The following SLA2 variants were observed in gnomAD, a reference collection of about 807,000 sequenced individuals.
The protein encoded by SLA2 is Src like adaptor 2, also known as src-like-adapter 2.
SLA2 carries 22 observed loss-of-function variants against 27.3 expected under a neutral mutation model. That is an observed-to-expected ratio of 0.81 (90% confidence interval 0.58 to 1.15). The LOEUF is 1.15. Ranked by LOEUF, SLA2 falls within the 50% of genes most tolerant of loss-of-function variation. The probability of loss-of-function intolerance (pLI) is 0.00; values close to 1 mark genes in which losing one functional copy is unlikely to be tolerated. For synonymous variants in SLA2, 131 were observed against 137.8 expected (o/e 0.95, Z 0.34); for missense variants, 304 against 322.2 (o/e 0.94, Z 0.43).
In SLA2 at chr20:36,634,500, T is replaced by C. The variant is rs1302780199; in HGVS notation, c.181A>G (p.Ile61Val). ...TGCCCATGGACTTACTCAGAGACGATGGTCAATGGCTCCCCGAGTCTCAGC... is the reference window on the plus strand; with the variant it reads ...TGCCCATGGACTTACTCAGAGACGACGGTCAATGGCTCCCCGAGTCTCAGC... ...LSLRLGEPLT[I>V]VSEDGDWWTV... The change falls in exon 3 of 8, where the codon ATC (isoleucine) becomes GTC (valine). Residue 61 changes from isoleucine (I) to valine (V), a missense_variant. Coordinates refer to ENST00000262866, the MANE Select transcript of SLA2 (RefSeq NM_032214.4). 1.2e-6 allele frequency: 2 copies of C among 1,608,464 alleles called. No individual in the cohort carries two copies. Among genetic ancestry groups the C allele is most frequent in the East Asian group, 2.2e-5 (1 of 44,596 alleles).
chr20:36,637,165 G>C (rs1453321374), intron 2 of SLA2, among the ~76,000 whole-genome samples: 1 of 146,484 alleles, frequency 6.8e-6, no homozygotes, highest in Non-Finnish European at 1.5e-5. Flanking sequence ...TATTAGTCAA[G>C]ATCTACCTCT....
chr20:36,641,300 T>G lies in SLA2; in HGVS notation c.36A>C (p.Pro12=). ...GSLPSRRKSL[P]SPSLSSSVQG... The stretch of plus-strand genomic sequence containing the variant: ...GGACAGAGGAACTCAAGCTTGGGCT[T>G]GGCAGAGATTTTCTTCTGCTGGGCA... Residue 12 remains proline (P), a synonymous_variant, in exon 2 of 8, where the codon CCA becomes CCC. Transcript: ENST00000262866. The G allele has an allele frequency of 6.2e-7, 1 of 1,614,116 alleles. No individual in the cohort carries two copies.
At chr20:36,641,158 G>T (rs865887424) in intron 2 of SLA2, 87 bp downstream of exon 2, 1 of 1,118,972 alleles carries the variant, frequency 8.9e-7, no homozygotes. Context: ...ACACTGTGTT[G>T]GAGCTGCTGG....
At chr20:36,634,627 G>A (rs771282089) in intron 2 of SLA2, 38 bp from the exon 3 acceptor site, 1 of 1,409,094 alleles carries the variant, frequency 7.1e-7, no homozygotes, top group South Asian at 1.2e-5. Flanking sequence ...TACTTAGCTA[G>A]CCCTGCTCCA....
At chr20:36,629,796 G>A (rs530336724) in intron 5 of SLA2, among the ~76,000 whole-genome samples, 50 of 152,048 alleles carry the variant, frequency 3.3e-4, no homozygotes, top group African/African-American at 1.1e-3. Context: ...TAATTATCCC[G>A]GTGTGGTAGC....
At chr20:36,645,606 C>G (rs115321248) in intron 1 of SLA2, among the ~76,000 whole-genome samples, 2 of 152,262 alleles carry the variant, frequency 1.3e-5, no homozygotes, top group Admixed American at 6.5e-5. Flanking sequence ...ACAAGCTGCA[C>G]GGAAGAGCGT....
chr20:36,618,060 T>C (rs2039235257), intron 5 of SLA2, among the ~76,000 whole-genome samples: 1 of 147,218 alleles, frequency 6.8e-6, no homozygotes, highest in South Asian at 2.1e-4. Context: ...GGCAGGAGAA[T>C]GGCGTGAACC....
intron 5 of SLA2, chr20:36,621,257 C>T: frequency 1.7e-6 from 1 of 573,904 alleles, no homozygotes; most frequent in Non-Finnish European, 3.4e-6. Flanking sequence ...GGTAACTATG[C>T]TGGTGATGGG....
intron 2 of SLA2, among the ~76,000 whole-genome samples, chr20:36,635,854 C>T (rs1400231760): frequency 2.6e-5 from 4 of 152,140 alleles, no homozygotes; most frequent in African/African-American, 9.7e-5. Flanking sequence ...TGAATGGCCT[C>T]ACTCTGCCTG....
Position 36,643,677 on chromosome 20 carries a change from C to A in SLA2, c.-44+2160G>T, listed in dbSNP as rs570146183. Reference sequence around the variant, plus strand: ...TGGGAATAACAATACCTGGGCCGGGCGCGGTGGCTCATGCCTGTAATCCCA... The same window carrying A: ...TGGGAATAACAATACCTGGGCCGGGAGCGGTGGCTCATGCCTGTAATCCCA... On this transcript the variant is annotated intron_variant, in intron 1 of 7. Coordinates refer to ENST00000262866, the MANE Select transcript of SLA2 (RefSeq NM_032214.4). 7.0e-4 allele frequency among the ~76,000 whole-genome samples: 106 copies of A among 152,210 alleles called. 1 individual carries two copies. Among genetic ancestry groups the A allele is most frequent in the African/African-American group, 2.4e-3 (100 of 41,548 alleles).
chr20:36,633,224 A>AGG (rs1210708394), intron 4 of SLA2, among the ~76,000 whole-genome samples: 1 of 151,812 alleles, frequency 6.6e-6, no homozygotes, highest in Non-Finnish European at 1.5e-5. Context: ...GGTGCGCACC[A>AGG]CTGTGCCAGC....
intron 5 of SLA2, among the ~76,000 whole-genome samples, chr20:36,622,855 CTT>C (rs1277245684): frequency 6.6e-6 from 1 of 152,198 alleles, no homozygotes; most frequent in Non-Finnish European, 1.5e-5. Flanking sequence ...TCTGCAAACT[CTT>C]TTTGCAATGT....
chr20:36,632,597 C>A lies in SLA2; in HGVS notation c.380G>T (p.Arg127Ile), dbSNP rs1006693461. Residue 127 changes from arginine (R) to isoleucine (I), a missense_variant and splice_region_variant, in exon 5 of 8, where the codon AGA becomes ATA. Coordinates refer to ENST00000262866, the MANE Select transcript of SLA2 (RefSeq NM_032214.4). ...AFLIRESQTR[R>I]GSYSLSVRLS... ...GGGCTGGCACCGAGCTTACTCACCTCTCCTGGTCTGGCTCTCCCGGATGAG... is the reference window on the plus strand; with the variant it reads ...GGGCTGGCACCGAGCTTACTCACCTATCCTGGTCTGGCTCTCCCGGATGAG... The A allele has an allele frequency of 5.6e-6, 9 of 1,613,636 alleles. No homozygotes were observed. Among genetic ancestry groups the A allele is most frequent in the African/African-American group, 1.3e-5 (1 of 74,936 alleles).
chr20:36,624,765 G>C (rs1324190793), intron 5 of SLA2, among the ~76,000 whole-genome samples: 3 of 152,204 alleles, frequency 2.0e-5, no homozygotes, highest in Admixed American at 2.0e-4. Flanking sequence ...CATTTACTAA[G>C]ACCTACCCTT....
chr20:36,632,155 C>A (rs2039399123), intron 5 of SLA2, among the ~76,000 whole-genome samples: 2 of 152,166 alleles, frequency 1.3e-5, no homozygotes, highest in African/African-American at 4.8e-5. Context: ...TGGGAGAAAA[C>A]CAAAGCTTCT....
intron 5 of SLA2, among the ~76,000 whole-genome samples, chr20:36,619,320 G>A (rs1240790388): frequency 1.3e-5 from 2 of 150,956 alleles, no homozygotes; most frequent in African/African-American, 4.9e-5. Flanking sequence ...GAGGTAAGGA[G>A]TTCAAGACCA....
intron 2 of SLA2, among the ~76,000 whole-genome samples, chr20:36,640,882 C>T (rs1043778033): frequency 9.2e-5 from 14 of 152,098 alleles, no homozygotes; most frequent in Non-Finnish European, 1.9e-4. Context: ...GACAGTGCAG[C>T]TCTGGGGGCT....
At chr20:36,629,641 G>T (rs897846867) in intron 5 of SLA2, among the ~76,000 whole-genome samples, 4 of 152,112 alleles carry the variant, frequency 2.6e-5, no homozygotes, top group African/African-American at 9.7e-5. Context: ...GGGCATGGTG[G>T]CATGTGCCTG....
At chr20:36,622,275 G>A (rs1487777454) in intron 5 of SLA2, among the ~76,000 whole-genome samples, 1 of 151,090 alleles carries the variant, frequency 6.6e-6, no homozygotes, top group African/African-American at 2.4e-5. Context: ...TACTCAGGAG[G>A]CTGAGGCAGG....
Sources: gnomAD v4.1 joint callset for allele counts (sites outside exome capture counted in the v4.1 genomes callset) on GRCh38, gnomAD v4.1.1 for gene constraint, MANE v1.5 for transcripts, NCBI Gene and HGNC (gene_info 2026-07-23, HGNC 2026-07-21) for gene names.